Variants in SEMA6D observed in about 807,000 individuals in gnomAD.
SEMA6D encodes the protein semaphorin-6D.
A neutral mutation model predicts 106.6 loss-of-function variants in SEMA6D; 35 were observed. The ratio of observed to expected loss-of-function variants is 0.33; its 90% CI spans 0.25 to 0.44. SEMA6D has a LOEUF of 0.44. SEMA6D is among the 20% of genes least tolerant of loss of function. SEMA6D has a pLI of 1.00. For synonymous variants in SEMA6D, 499 were observed against 487.7 expected (o/e 1.02, Z -0.31); for missense variants, 1,185 against 1,345.9 (o/e 0.88, Z 1.87).
At chr15:47,746,956 A>G (rs534120627) in intron 1 of SEMA6D, among the ~76,000 whole-genome samples, 22 of 130,470 alleles carry the variant, frequency 1.7e-4, no homozygotes, top group African/African-American at 5.7e-4. Flanking sequence ...CATTTCTGCC[A>G]CAACAGTCTC....
intron 1 of SEMA6D, among the ~76,000 whole-genome samples, chr15:47,750,033 T>C (rs984187162): frequency 3.3e-5 from 5 of 152,176 alleles, no homozygotes; most frequent in East Asian, 3.9e-4. Context: ...AGGTGGTTGA[T>C]GCATAGTCAT....
intron 1 of SEMA6D, among the ~76,000 whole-genome samples, chr15:47,237,721 C>A (rs1252861748): frequency 6.6e-6 from 1 of 151,930 alleles, no homozygotes; most frequent in African/African-American, 2.4e-5. Context: ...CTCTACACCC[C>A]CTTTTAACTA....
chr15:47,278,083 G>A (rs1484607228), intron 1 of SEMA6D, among the ~76,000 whole-genome samples: 2 of 151,322 alleles, frequency 1.3e-5, no homozygotes, highest in Non-Finnish European at 3.0e-5. Flanking sequence ...ACGTGTGCAT[G>A]TGTCTTTATA....
intron 1 of SEMA6D, among the ~76,000 whole-genome samples, chr15:47,732,068 G>A (rs1017994141): frequency 8.5e-5 from 13 of 152,102 alleles, no homozygotes; most frequent in African/African-American, 2.9e-4. Flanking sequence ...ATGTGAAATC[G>A]GTTAAATATA....
chr15:47,186,039 G>GTA (rs1056143301), intron 1 of SEMA6D, among the ~76,000 whole-genome samples: 1 of 151,800 alleles, frequency 6.6e-6, no homozygotes, highest in Non-Finnish European at 1.5e-5. Context: ...CAATATTTGT[G>GTA]TATATATATG....
chr15:47,428,483 G>T (rs2041421812), intron 2 of SEMA6D, among the ~76,000 whole-genome samples: 18 of 34,534 alleles, frequency 5.2e-4, no homozygotes, highest in South Asian at 1.3e-3. Flanking sequence ...TGGGTAAAAT[G>T]GGGCAAGGTG....
At chr15:47,616,832 C>T (rs2077016933) in intron 4 of SEMA6D, among the ~76,000 whole-genome samples, 1 of 152,212 alleles carries the variant, frequency 6.6e-6, no homozygotes, top group Non-Finnish European at 1.5e-5. Context: ...GGAATTCAAA[C>T]CCCAGCCCTC....
intron 3 of SEMA6D, among the ~76,000 whole-genome samples, chr15:47,574,757 A>G (rs1312928472): frequency 6.6e-6 from 1 of 152,244 alleles, no homozygotes; most frequent in Non-Finnish European, 1.5e-5. Context: ...CATTTAAATA[A>G]AACAATTATT....
rs753878799 is a variant in SEMA6D, at chr15:47,761,668, C to A, written c.455C>A (p.Thr152Asn). 1.9e-6 allele frequency: 3 copies of A among 1,612,328 alleles called. No individual in the cohort carries two copies. Among genetic ancestry groups the A allele is most frequent in the Non-Finnish European group, 2.5e-6 (3 of 1,179,004 alleles). ...TTTACTTTTCTTTTGTAGTTGAGTA[C>A]CTTAGAATATGATGGGGAAGAAATT... ...NPMCRYYRLS[T>N]LEYDGEEISG... The change falls in exon 7 of 19, where the codon ACC becomes AAC. Residue 152 changes from threonine (T) to asparagine (N), a missense_variant. By Grantham distance (65) the Thr-to-Asn change is moderately conservative. Coordinates refer to ENST00000536845, the MANE Select transcript of SEMA6D (RefSeq NM_001358351.3).
intron 2 of SEMA6D, among the ~76,000 whole-genome samples, chr15:47,445,101 A>G (rs2041992119): frequency 1.3e-5 from 2 of 151,084 alleles, no homozygotes; most frequent in Admixed American, 6.6e-5. Context: ...GGATTCAGAC[A>G]CTCCTTCTCT....
At chr15:47,547,605 T>C (rs1023966327) in intron 3 of SEMA6D, among the ~76,000 whole-genome samples, 2 of 152,148 alleles carry the variant, frequency 1.3e-5, no homozygotes, top group African/African-American at 2.4e-5. Context: ...TGTTCATCCA[T>C]CTTTGTTCTT....
rs184201115 is a variant in SEMA6D, at chr15:47,730,242, G to A, written c.-55+12550G>A. ...AGGACGTTGCCGCCCCAGTGACGGC[G>A]GATCTCATCGTATCTGTCGTTGTAA... On this transcript the variant is annotated intron_variant, in intron 1 of 18. Coordinates refer to ENST00000536845, the MANE Select transcript of SEMA6D (RefSeq NM_001358351.3). 1.2e-4 allele frequency: 191 copies of A among 1,533,066 alleles called. No individual in the cohort carries two copies. In the East Asian group the frequency reaches 3.4e-3, roughly 27 times the overall value. The allele number at this position is 1,533,066 out of a possible 1,614,324, so 95.0% of individuals were successfully genotyped here.
At chr15:47,716,793 T>A (rs1434569402), upstream of SEMA6D, among the ~76,000 whole-genome samples, 1 of 152,126 alleles carries the variant, frequency 6.6e-6, no homozygotes, top group Non-Finnish European at 1.5e-5. Flanking sequence ...TGCAAAATTA[T>A]ACTGTACAGA....
intron 3 of SEMA6D, among the ~76,000 whole-genome samples, chr15:47,522,568 G>C: frequency 6.6e-6 from 1 of 152,146 alleles, no homozygotes; most frequent in South Asian, 2.1e-4. Flanking sequence ...AGTTTTTAAT[G>C]TTTTATTTCC....
chr15:47,242,770 A>G (rs1454014851), intron 1 of SEMA6D, among the ~76,000 whole-genome samples: 1 of 152,188 alleles, frequency 6.6e-6, no homozygotes, highest in East Asian at 1.9e-4. Context: ...ATCATTATAC[A>G]AAATCTGGAA....
At chr15:47,653,744 T>C (rs962127715) in intron 4 of SEMA6D, among the ~76,000 whole-genome samples, 1 of 152,276 alleles carries the variant, frequency 6.6e-6, no homozygotes, top group Admixed American at 6.5e-5. Context: ...AAATGTATCT[T>C]ATATTTCTCT....
chr15:47,597,322 A>G (rs1381722938), intron 3 of SEMA6D, among the ~76,000 whole-genome samples: 1 of 152,098 alleles, frequency 6.6e-6, no homozygotes, highest in Non-Finnish European at 1.5e-5. Flanking sequence ...TCCTCAAAAA[A>G]CTAAAAACAG....
chr15:47,726,435 A>G (rs1421701707), intron 1 of SEMA6D, among the ~76,000 whole-genome samples: 2 of 152,240 alleles, frequency 1.3e-5, no homozygotes, highest in African/African-American at 4.8e-5. Flanking sequence ...ACAGGAGGAA[A>G]CTGAGTCATG....
chr15:47,395,785 A>G (rs2040194747), intron 1 of SEMA6D: 1 of 152,258 alleles, frequency 6.6e-6, no homozygotes, highest in Admixed American at 6.5e-5. Context: ...TATACCTAGC[A>G]TAGAGGGCAG....
Sources: gnomAD v4.1 joint callset for allele counts (sites outside exome capture counted in the v4.1 genomes callset) on GRCh38, gnomAD v4.1.1 for gene constraint, MANE v1.5 for transcripts, NCBI Gene and HGNC (gene_info 2026-07-23, HGNC 2026-07-21) for gene names.